The following BRWD3 variants were observed in gnomAD, a reference collection of about 807,000 sequenced individuals.
BRWD3 encodes the protein bromodomain and WD repeat-containing protein 3.
In BRWD3, 10 loss-of-function variants were observed where a neutral mutation model predicts 149.7. The ratio of observed to expected loss-of-function variants is 0.07; its 90% confidence interval spans 0.04 to 0.11. The LOEUF is 0.11. Ranked by LOEUF, BRWD3 falls within the 10% of genes least tolerant of loss-of-function variation. The probability of loss-of-function intolerance (pLI) is 1.00; values close to 1 mark genes in which losing one functional copy is unlikely to be tolerated. For missense variants in BRWD3, 940 were observed against 1,373.2 expected (o/e 0.68, Z 4.99); for synonymous variants, 504 against 456.7 (o/e 1.10, Z -1.32).
At chrX:80,696,609 C>G in intron 26 of BRWD3, 130 bp downstream of exon 26, 1 of 746,921 alleles carries the variant, frequency 1.3e-6, no homozygotes. Flanking sequence ...AAACTCTGGT[C>G]TTTATAATTC....
At chrX:80,714,145 C>T (rs1223693626) in intron 20 of BRWD3, among the ~76,000 whole-genome samples, 1 of 109,943 alleles carries the variant, frequency 9.1e-6, no homozygotes, top group African/African-American at 3.3e-5. Context: ...ACATTTACAA[C>T]CTATTTTCTC....
At chrX:80,692,210 T>C (rs1346884052) in intron 28 of BRWD3, 60 bp from the exon 29 acceptor site, 2 of 1,035,020 alleles carry the variant, frequency 1.9e-6, no homozygotes, top group Non-Finnish European at 2.7e-6. Context: ...TTTCATATAC[T>C]ACCACAATTT....
chrX:80,731,095 T>C (rs191318575), intron 12 of BRWD3, among the ~76,000 whole-genome samples: 11 of 111,546 alleles, frequency 9.9e-5, no homozygotes, highest in East Asian at 2.8e-4. Context: ...TACTGCCAAA[T>C]TGTTTCCCTG....
chrX:80,716,065 T>C, intron 20 of BRWD3, 92 bp downstream of exon 20: 1 of 701,806 alleles, frequency 1.4e-6, no homozygotes, highest in Non-Finnish European at 2.3e-6. Flanking sequence ...ATTAAAATAG[T>C]CTCTTAACAC....
intron 6 of BRWD3, among the ~76,000 whole-genome samples, chrX:80,762,374 C>T (rs1005787809): frequency 3.6e-5 from 4 of 111,770 alleles, no homozygotes; most frequent in Middle Eastern, 4.6e-3. Flanking sequence ...AGAAGGGGCA[C>T]GAACTTGGGT....
chrX:80,750,857 TACACAC>T (rs59394410), intron 6 of BRWD3, among the ~76,000 whole-genome samples: 3,902 of 93,865 alleles, frequency 0.042, 88 homozygotes, highest in South Asian at 0.18. Flanking sequence ...ATGTGTTTTA[TACACAC>T]ACACACACAC....
At chrX:80,692,286 G>A in intron 28 of BRWD3, 136 bp from the exon 29 acceptor site, 1 of 527,035 alleles carries the variant, frequency 1.9e-6, no homozygotes. Flanking sequence ...TACAACTCCG[G>A]TTACATACAG....
chrX:80,700,041 A>G lies in BRWD3; in HGVS notation c.2859T>C (p.His953=). The change falls in exon 25 of 41, where the codon CAT becomes CAC. Residue 953 remains histidine, a synonymous_variant. Coordinates refer to ENST00000373275, the MANE Select transcript of BRWD3 (RefSeq NM_153252.5). ...TCCTTACAGCCCGAACATAAGCTTCATGTCCTTGCCTAAAATAGATAAGCT... is the reference window on the plus strand; with the variant it reads ...TCCTTACAGCCCGAACATAAGCTTCGTGTCCTTGCCTAAAATAGATAAGCT... ...GDELIYFRQG[H]EAYVRAVRKS... is the part of the protein sequence containing the mutation. 1 of 1,209,153 alleles carries G rather than the reference A, an allele frequency of 8.3e-7. No individual in the cohort carries two copies.
At chrX:80,742,253 C>A (rs187720935) in intron 8 of BRWD3, among the ~76,000 whole-genome samples, 1 of 110,664 alleles carries the variant, frequency 9.0e-6, no homozygotes, top group East Asian at 2.8e-4. Context: ...GTGCTCTGTT[C>A]TGTTCCATTG....
intron 16 of BRWD3, among the ~76,000 whole-genome samples, chrX:80,723,540 T>C (rs769617234): frequency 1.8e-5 from 2 of 110,195 alleles, no homozygotes; most frequent in East Asian, 5.8e-4. Flanking sequence ...CATCACCCTA[T>C]AACTTATCTC....
intron 4 of BRWD3, among the ~76,000 whole-genome samples, chrX:80,807,342 GATA>G (rs1002321991): frequency 3.6e-5 from 4 of 112,037 alleles, no homozygotes; most frequent in African/African-American, 1.3e-4. Flanking sequence ...CGGTAGACTT[GATA>G]ATAATAATGT....
At chrX:80,764,004 G>C (rs1410341268) in intron 6 of BRWD3, among the ~76,000 whole-genome samples, 1 of 111,997 alleles carries the variant, frequency 8.9e-6, no homozygotes, top group Non-Finnish European at 1.9e-5. Flanking sequence ...CATGCTATTG[G>C]TGAGGAGATA....
At chrX:80,790,270 T>C (rs2074166706) in intron 6 of BRWD3, among the ~76,000 whole-genome samples, 1 of 108,901 alleles carries the variant, frequency 9.2e-6, no homozygotes, top group African/African-American at 3.4e-5. Flanking sequence ...ATAAAACTGA[T>C]TGGTTTGAAA....
intron 6 of BRWD3, among the ~76,000 whole-genome samples, chrX:80,781,863 C>CA (rs1373145006): frequency 9.0e-6 from 1 of 110,587 alleles, no homozygotes; most frequent in East Asian, 2.8e-4. Flanking sequence ...ATTGAAGATA[C>CA]AAAAAAAGGA....
chrX:80,798,958 G>GA (rs1390162498), intron 4 of BRWD3, among the ~76,000 whole-genome samples: 1 of 111,923 alleles, frequency 8.9e-6, no homozygotes, highest in African/African-American at 3.2e-5. Context: ...AACAATACAG[G>GA]AATCTGGGTT....
chrX:80,684,227 T>C, intron 36 of BRWD3, 65 bp from the exon 37 acceptor site: 13 of 1,014,990 alleles, frequency 1.3e-5, no homozygotes, highest in Non-Finnish European at 1.8e-5. Context: ...GGGACTAAAA[T>C]TGGTATCACC....
intron 30 of BRWD3, 69 bp downstream of exon 30, chrX:80,691,753 GA>G: frequency 8.7e-7 from 1 of 1,152,060 alleles, no homozygotes; most frequent in Non-Finnish European, 1.2e-6. Context: ...TCCTTCTGTA[GA>G]ACTTAAAACT....
chrX:80,780,009 G>A (rs2074040579), intron 6 of BRWD3, among the ~76,000 whole-genome samples: 1 of 111,605 alleles, frequency 9.0e-6, no homozygotes, highest in Non-Finnish European at 1.9e-5. Context: ...TTCCTTTCAG[G>A]CTTTCTGCAA....
At chrX:80,785,296 A>G (rs2074097288) in intron 6 of BRWD3, among the ~76,000 whole-genome samples, 1 of 112,224 alleles carries the variant, frequency 8.9e-6, no homozygotes, top group Non-Finnish European at 1.9e-5. Flanking sequence ...AGTCAAGCAT[A>G]CAGCTAATGA....
Sources: allele counts gnomAD v4.1 joint callset (sites outside exome capture counted in the v4.1 genomes callset), GRCh38; gene constraint gnomAD v4.1.1; transcripts MANE v1.5; gene names NCBI Gene and HGNC (gene_info 2026-07-23, HGNC 2026-07-21).